The following SERGEF variants were observed in gnomAD, a reference collection of about 807,000 sequenced individuals.
SERGEF encodes the protein secretion-regulating guanine nucleotide exchange factor.
SERGEF carries 51 observed loss-of-function variants against 50.0 expected under a neutral mutation model. The observed-to-expected ratio is 1.02, with a 90% CI of 0.81 to 1.29. The LOEUF (loss-of-function observed/expected upper bound fraction) is 1.29, where lower values mean the gene tolerates loss of function less well. SERGEF is among the 50% of genes most tolerant of loss of function. The pLI is 0.00. For synonymous variants in SERGEF, 205 were observed against 212.4 expected (o/e 0.97, Z 0.30); for missense variants, 521 against 557.0 (o/e 0.94, Z 0.65).
At chr11:17,982,936 A>C (rs1853520787) in intron 8 of SERGEF, among the ~76,000 whole-genome samples, 1 of 152,218 alleles carries the variant, frequency 6.6e-6, no homozygotes, top group African/African-American at 2.4e-5. Flanking sequence ...TTCTAGCTTA[A>C]AGTTGCCATA....
At chr11:17,897,550 CA>C (rs1286885160) in intron 9 of SERGEF, among the ~76,000 whole-genome samples, 3 of 152,146 alleles carry the variant, frequency 2.0e-5, no homozygotes, top group Non-Finnish European at 4.4e-5. Flanking sequence ...CTAATCAATA[CA>C]AAAGCAACAG....
intron 2 of SERGEF, among the ~76,000 whole-genome samples, chr11:18,006,980 C>A (rs191569175): frequency 1.3e-5 from 2 of 152,284 alleles, no homozygotes; most frequent in East Asian, 3.9e-4. Flanking sequence ...AATCAATCAC[C>A]AAACTGAGCA....
At chr11:17,854,134 A>T (rs1850770137) in intron 10 of SERGEF, 1 of 152,138 alleles carries the variant, frequency 6.6e-6, no homozygotes, top group African/African-American at 2.4e-5. Context: ...TATTAAAGCT[A>T]TCACAACACC....
rs1175321462 is a variant in SERGEF at position 17,888,217 on chromosome 11, A to C, written c.1012-9973T>G. On this transcript the variant is annotated intron_variant, in intron 9 of 10. Coordinates refer to ENST00000265965, the MANE Select transcript of SERGEF (RefSeq NM_012139.4). This position sits in a 1 kb window ranked among gnomAD's most constrained non-coding sequence, Gnocchi z 4.1. ...AGGTTGGGGACTGCTGCTTTACAGC[A>C]GTGGGGGGAAATATTGATATTCACA... is the stretch of plus-strand genomic sequence containing the variant. Among the ~76,000 whole-genome samples the C allele has an allele frequency of 6.6e-6, 1 of 152,188 alleles. No homozygotes were observed. Among genetic ancestry groups the C allele is most frequent in the Non-Finnish European group, 1.5e-5 (1 of 68,040 alleles).
chr11:17,859,770 A>T (rs1232564129), intron 10 of SERGEF, among the ~76,000 whole-genome samples: 1 of 152,242 alleles, frequency 6.6e-6, no homozygotes, highest in Non-Finnish European at 1.5e-5. Context: ...CTAGAGGACA[A>T]TGGGAAATGC....
At chr11:17,829,344 C>A (rs1031550905) in intron 10 of SERGEF, among the ~76,000 whole-genome samples, 1 of 152,174 alleles carries the variant, frequency 6.6e-6, no homozygotes, top group African/African-American at 2.4e-5. Context: ...TTAGGTAGTA[C>A]CTGAGGTTCT....
intron 10 of SERGEF, among the ~76,000 whole-genome samples, chr11:17,876,965 T>C (rs987743271): frequency 4.6e-5 from 7 of 152,226 alleles, no homozygotes; most frequent in African/African-American, 1.7e-4. Flanking sequence ...TCCCTGTTAC[T>C]CCCCACCTCC....
intron 10 of SERGEF, among the ~76,000 whole-genome samples, chr11:17,821,315 C>T (rs982005624): frequency 2.6e-5 from 4 of 152,160 alleles, no homozygotes; most frequent in Non-Finnish European, 4.4e-5. Context: ...GTTACGAATA[C>T]TAATAATTAT....
intron 10 of SERGEF, among the ~76,000 whole-genome samples, chr11:17,827,502 G>C (rs184515964): frequency 5.1e-4 from 77 of 152,334 alleles, no homozygotes; most frequent in African/African-American, 1.8e-3. Flanking sequence ...TCTGAAATCT[G>C]CAGTGTATGT....
intron 10 of SERGEF, among the ~76,000 whole-genome samples, chr11:17,872,495 A>G (rs961869093): frequency 6.6e-6 from 1 of 152,224 alleles, no homozygotes; most frequent in Non-Finnish European, 1.5e-5. Flanking sequence ...AATATATCCT[A>G]TTAAGGAGGC....
At chr11:17,979,758 T>G (rs1266076076) in intron 8 of SERGEF, among the ~76,000 whole-genome samples, 1 of 152,138 alleles carries the variant, frequency 6.6e-6, no homozygotes, top group Non-Finnish European at 1.5e-5. Context: ...TTTAACTAGG[T>G]CGCTTGCTTT....
intron 10 of SERGEF, chr11:17,853,964 T>C (rs1257080758): frequency 7.2e-6 from 1 of 138,782 alleles, no homozygotes; most frequent in African/African-American, 2.8e-5. Context: ...GAGGTTGCAG[T>C]GAGCCAAGAT....
intron 8 of SERGEF, among the ~76,000 whole-genome samples, chr11:17,984,481 G>C (rs182134768): frequency 6.6e-6 from 1 of 152,286 alleles, no homozygotes; most frequent in African/African-American, 2.4e-5. Context: ...AACCATTCAT[G>C]AGAAATGTAC....
At chr11:17,914,223 A>T (rs1397247706) in intron 9 of SERGEF, among the ~76,000 whole-genome samples, 1 of 152,176 alleles carries the variant, frequency 6.6e-6, no homozygotes, top group African/African-American at 2.4e-5. Flanking sequence ...CGGATTTTCA[A>T]GCCAGCTCAA....
intron 1 of SERGEF, chr11:18,012,712 G>A (rs1590254530): frequency 5.9e-6 from 7 of 1,193,828 alleles, no homozygotes; most frequent in Non-Finnish European, 4.4e-6. Flanking sequence ...CGGCGCCACA[G>A]CCCCTCCGGC....
chr11:17,855,163 T>C (rs1315442709), intron 10 of SERGEF: 1 of 152,214 alleles, frequency 6.6e-6, no homozygotes, highest in East Asian at 1.9e-4. Flanking sequence ...TTTCCAACCA[T>C]ACTTGTACTT....
chr11:17,802,878 A>G (rs1410496891), intron 10 of SERGEF, among the ~76,000 whole-genome samples: 2 of 152,286 alleles, frequency 1.3e-5, no homozygotes, highest in African/African-American at 4.8e-5. Context: ...ATACCCTATC[A>G]TATACTTTTG....
chr11:17,817,543 CA>C (rs1850002016), intron 10 of SERGEF, among the ~76,000 whole-genome samples: 1 of 152,058 alleles, frequency 6.6e-6, no homozygotes, highest in South Asian at 2.1e-4. Context: ...TAATATTCAC[CA>C]CAACTCTTTG....
chr11:17,795,940 T>C (rs753297853), intron 10 of SERGEF, among the ~76,000 whole-genome samples: 40 of 152,222 alleles, frequency 2.6e-4, no homozygotes, highest in Non-Finnish European at 5.6e-4. Context: ...CAGTAGAAGA[T>C]GATTTCAAAA....
Sources: allele counts gnomAD v4.1 joint callset (sites outside exome capture counted in the v4.1 genomes callset), GRCh38; gene constraint gnomAD v4.1.1; non-coding constraint Gnocchi (gnomAD v3.1); transcripts MANE v1.5; gene names NCBI Gene and HGNC (gene_info 2026-07-23, HGNC 2026-07-21).